The following ERBB4 variants were observed in gnomAD, a reference collection of about 807,000 sequenced individuals.
The protein encoded by ERBB4 is erb-b2 receptor tyrosine kinase 4, also known as receptor tyrosine-protein kinase erbB-4.
In ERBB4, 42 loss-of-function variants were observed where a neutral mutation model predicts 158.0. That is an observed-to-expected ratio of 0.27 (90% CI 0.21 to 0.34). The LOEUF (loss-of-function observed/expected upper bound fraction) is 0.34. Among genes scored for constraint, ERBB4 ranks in the 10% least tolerant of loss-of-function variants. The pLI, the probability that ERBB4 is intolerant of heterozygous loss-of-function variation, is 1.00. For missense variants in ERBB4, 1,333 were observed against 1,624.1 expected, an observed-to-expected ratio of 0.82 and a Z score of 3.08; for synonymous variants, 583 against 558.7, an observed-to-expected ratio of 1.04 and a Z score of -0.61.
chr2:212,030,145 T>C (rs543401967), intron 2 of ERBB4, among the ~76,000 whole-genome samples: 2 of 152,276 alleles, frequency 1.3e-5, no homozygotes, highest in Non-Finnish European at 2.9e-5. Context: ...TTCATACAAA[T>C]GATGAAATGT....
At chr2:212,286,594 C>CTTTTTTTTTTTTTTTTTTTTTTT (rs71054190) in intron 1 of ERBB4, among the ~76,000 whole-genome samples, 1 of 55,540 alleles carries the variant, frequency 1.8e-5, no homozygotes, top group African/African-American at 5.8e-5. Context: ...TAAGTGCTGA[C>CTTTTTTTTTTTTTTTTTTTTTTT]TTTTTTTTTT....
chr2:212,344,345 T>A (rs2088871149), intron 1 of ERBB4, among the ~76,000 whole-genome samples: 1 of 152,084 alleles, frequency 6.6e-6, no homozygotes, highest in African/African-American at 2.4e-5. Context: ...TCTACCCAGT[T>A]GCGACAACCA....
chr2:212,203,148 T>C (rs2082637124), intron 1 of ERBB4, among the ~76,000 whole-genome samples: 1 of 151,960 alleles, frequency 6.6e-6, no homozygotes, highest in African/African-American at 2.4e-5. Context: ...TACATATATG[T>C]TACAGTAATA....
intron 1 of ERBB4, among the ~76,000 whole-genome samples, chr2:212,224,872 T>C (rs756573361): frequency 6.6e-6 from 1 of 152,072 alleles, no homozygotes; most frequent in Non-Finnish European, 1.5e-5. Flanking sequence ...ATTTAAATTT[T>C]AAGAATTTGT....
At chr2:212,028,122 G>T (rs2076817031) in intron 2 of ERBB4, among the ~76,000 whole-genome samples, 1 of 151,984 alleles carries the variant, frequency 6.6e-6, no homozygotes, top group Non-Finnish European at 1.5e-5. Flanking sequence ...TAATAGCAAT[G>T]CCCCTGATTT....
chr2:211,580,886 T>TATATATATATATA (rs2068079079), intron 19 of ERBB4, among the ~76,000 whole-genome samples: 2 of 2,364 alleles, frequency 8.5e-4, no homozygotes, highest in Non-Finnish European at 1.3e-3. Context: ...TATATATATA[T>TATATATATATATA]ATATATATAT....
At chr2:212,004,326 C>T (rs1233255475) in intron 2 of ERBB4, among the ~76,000 whole-genome samples, 1 of 152,180 alleles carries the variant, frequency 6.6e-6, no homozygotes, top group Non-Finnish European at 1.5e-5. Context: ...AACTATCCAT[C>T]ACCAAATAAG....
intron 1 of ERBB4, among the ~76,000 whole-genome samples, chr2:212,264,182 A>G (rs1350958460): frequency 6.6e-6 from 1 of 152,154 alleles, no homozygotes; most frequent in East Asian, 1.9e-4. Context: ...CCATGTGAGA[A>G]TATTTGCATT....
At chr2:212,455,462 G>A (rs1009418876) in intron 1 of ERBB4, among the ~76,000 whole-genome samples, 4 of 151,990 alleles carry the variant, frequency 2.6e-5, no homozygotes, top group Non-Finnish European at 4.4e-5. Context: ...CAATATGGTA[G>A]CCACTAGCCA....
At chr2:211,786,889 G>A (rs2076177059) in intron 4 of ERBB4, among the ~76,000 whole-genome samples, 1 of 152,174 alleles carries the variant, frequency 6.6e-6, no homozygotes, top group African/African-American at 2.4e-5. Context: ...TTTCTCACAT[G>A]TAATTTTACA....
intron 2 of ERBB4, among the ~76,000 whole-genome samples, chr2:212,080,228 G>A (rs2078395280): frequency 6.6e-6 from 1 of 151,770 alleles, no homozygotes; most frequent in Admixed American, 6.6e-5. Flanking sequence ...AGGAAAATCC[G>A]TTTGAACCCG....
chr2:211,580,900 T>C (rs1424913028), intron 19 of ERBB4, among the ~76,000 whole-genome samples: 616 of 5,870 alleles, frequency 0.1, 125 homozygotes, highest in African/African-American at 0.43. Flanking sequence ...TATATATATA[T>C]ATATATATAT....
chr2:211,648,371 G>A (rs886412019), intron 16 of ERBB4, among the ~76,000 whole-genome samples: 6 of 149,434 alleles, frequency 4.0e-5, no homozygotes, highest in African/African-American at 1.5e-4. Context: ...TAATATTAAT[G>A]TAAATGCATG....
At chr2:212,286,774 T>TTTTTTTTTTTC in intron 1 of ERBB4, among the ~76,000 whole-genome samples, 1 of 106,708 alleles carries the variant, frequency 9.4e-6, no homozygotes, top group Admixed American at 1.0e-4. Flanking sequence ...TTAATTTTTT[T>TTTTTTTTTTTC]TTTTTTTTTT....
At chr2:211,871,889 A>C (rs2078354534) in intron 3 of ERBB4, among the ~76,000 whole-genome samples, 2 of 152,100 alleles carry the variant, frequency 1.3e-5, no homozygotes, top group South Asian at 4.1e-4. Context: ...AAATGTATGG[A>C]GAGAGAGGGA....
intron 4 of ERBB4, among the ~76,000 whole-genome samples, chr2:211,766,324 T>C (rs1419698683): frequency 1.3e-5 from 2 of 152,204 alleles, no homozygotes; most frequent in African/African-American, 2.4e-5. Context: ...CAGCTCCCTG[T>C]AGATACCACA....
At chr2:212,448,410 T>G (rs1312963625) in intron 1 of ERBB4, among the ~76,000 whole-genome samples, 1 of 152,192 alleles carries the variant, frequency 6.6e-6, no homozygotes, top group Non-Finnish European at 1.5e-5. Flanking sequence ...TCGCACAAGA[T>G]GTTACAGAAT....
chr2:212,017,437 GAGA>G (rs1419685030), intron 2 of ERBB4, among the ~76,000 whole-genome samples: 1 of 152,058 alleles, frequency 6.6e-6, no homozygotes, highest in Non-Finnish European at 1.5e-5. Context: ...TGAAAAGATT[GAGA>G]AGAATTCCCT....
intron 2 of ERBB4, among the ~76,000 whole-genome samples, chr2:211,985,171 T>C (rs2081906630): frequency 6.6e-6 from 1 of 152,164 alleles, no homozygotes; most frequent in Non-Finnish European, 1.5e-5. Flanking sequence ...CTATTTAAGA[T>C]GTTAATCCAG....
Sources: allele counts gnomAD v4.1 joint callset (sites outside exome capture counted in the v4.1 genomes callset), GRCh38; gene constraint gnomAD v4.1.1; transcripts MANE v1.5; gene names NCBI Gene and HGNC (gene_info 2026-07-23, HGNC 2026-07-21).